RHBDL2: variants seen among roughly 807,000 people sequenced by gnomAD.
RHBDL2 encodes rhomboid-related protein 2.
Under a neutral mutation model 31.7 loss-of-function variants are expected in RHBDL2, and 26 were observed. The observed-to-expected ratio is 0.82, with a 90% CI of 0.60 to 1.14. The LOEUF (loss-of-function observed/expected upper bound fraction) is 1.14. Ranked by LOEUF, RHBDL2 falls within the 50% of genes most tolerant of loss-of-function variation. RHBDL2 has a pLI of 0.00. For missense variants in RHBDL2, 336 were observed against 364.4 expected (o/e 0.92, Z 0.63); for synonymous variants, 123 against 127.2 (o/e 0.97, Z 0.22).
intron 3 of RHBDL2, among the ~76,000 whole-genome samples, chr1:38,911,647 C>T (rs9438992): frequency 1.5e-3 from 79 of 54,166 alleles, no homozygotes; most frequent in East Asian, 5.7e-3. Context: ...TGTGTGTGTG[C>T]GCGCGCGCGC....
At chr1:38,897,225 C>T (rs1247221999) in intron 4 of RHBDL2, among the ~76,000 whole-genome samples, 5 of 151,992 alleles carry the variant, frequency 3.3e-5, no homozygotes, top group Non-Finnish European at 7.4e-5. Flanking sequence ...CTCAGCCTCC[C>T]GAGCAGCTGG....
At chr1:38,912,883 C>CATATATATATAT (rs141150431) in intron 3 of RHBDL2, among the ~76,000 whole-genome samples, 43 of 106,598 alleles carry the variant, frequency 4.0e-4, no homozygotes, top group African/African-American at 1.7e-3. Flanking sequence ...TACCATATAC[C>CATATATATATAT]ATATATATAT....
chr1:38,938,667 A>G (rs1170991622), intron 1 of RHBDL2, among the ~76,000 whole-genome samples: 2 of 152,246 alleles, frequency 1.3e-5, no homozygotes, highest in African/African-American at 4.8e-5. Flanking sequence ...AAACAAAACT[A>G]AAAGACTCTG....
chr1:38,923,892 G>A (rs1643343670), intron 1 of RHBDL2, among the ~76,000 whole-genome samples: 1 of 152,126 alleles, frequency 6.6e-6, no homozygotes, highest in African/African-American at 2.4e-5. Flanking sequence ...GGGTGGCACT[G>A]CTGCGAGAAG....
At chr1:38,903,038 G>A (rs1643015537) in intron 4 of RHBDL2, among the ~76,000 whole-genome samples, 2 of 152,126 alleles carry the variant, frequency 1.3e-5, no homozygotes, top group Non-Finnish European at 2.9e-5. Flanking sequence ...AAAGCTTCTA[G>A]AAGTAATAAG....
intron 3 of RHBDL2, among the ~76,000 whole-genome samples, chr1:38,915,102 C>A (rs1170782193): frequency 6.6e-6 from 1 of 151,426 alleles, no homozygotes; most frequent in Admixed American, 6.6e-5. Flanking sequence ...AGCTCTGCAA[C>A]TTAGCTGTGT....
chr1:38,922,185 T>C (rs1643324150), intron 1 of RHBDL2, among the ~76,000 whole-genome samples: 1 of 151,916 alleles, frequency 6.6e-6, no homozygotes. Context: ...TGCCTTGCCT[T>C]GTAAAGTAGA....
chr1:38,930,669 A>G (rs534183386), intron 1 of RHBDL2, among the ~76,000 whole-genome samples: 1 of 152,320 alleles, frequency 6.6e-6, no homozygotes, highest in South Asian at 2.1e-4. Flanking sequence ...TACATGAGTT[A>G]ACAGACCTAG....
chr1:38,910,280 T>A (rs770127129), intron 4 of RHBDL2, among the ~76,000 whole-genome samples: 116 of 152,298 alleles, frequency 7.6e-4, no homozygotes, highest in Non-Finnish European at 2.1e-4. Context: ...CCTGACTATA[T>A]CAACGTGGAT....
chr1:38,918,248 A>C (rs1643264487), intron 2 of RHBDL2, among the ~76,000 whole-genome samples: 1 of 152,236 alleles, frequency 6.6e-6, no homozygotes, highest in Admixed American at 6.5e-5. Flanking sequence ...GCATCAGTGC[A>C]TCAGTGGGAA....
chr1:38,895,434 G>A lies in RHBDL2; in HGVS notation c.609+535C>T, dbSNP rs371699970. Among the ~76,000 whole-genome samples the A allele has an allele frequency of 1.1e-4, 17 of 152,158 alleles. 1 individual carries two copies. Among genetic ancestry groups the A allele is most frequent in the African/African-American group, 3.9e-4 (16 of 41,498 alleles). On this transcript the variant is annotated intron_variant, in intron 5 of 7. Transcript: ENST00000372990. ...AACTGTTAACAGATACTATATTGAGGACCTTAACTTTCTACTTTTTTATTT... is the reference window on the plus strand; with the variant it reads ...AACTGTTAACAGATACTATATTGAGAACCTTAACTTTCTACTTTTTTATTT...
chr1:38,921,952 T>G (rs1643321968), intron 1 of RHBDL2, among the ~76,000 whole-genome samples: 1 of 152,178 alleles, frequency 6.6e-6, no homozygotes, highest in South Asian at 2.1e-4. Flanking sequence ...ACATAATCAT[T>G]TTATGAGGAA....
intron 1 of RHBDL2, among the ~76,000 whole-genome samples, chr1:38,922,223 A>G (rs1028367877): frequency 6.6e-6 from 1 of 151,228 alleles, no homozygotes. Context: ...TTCAGGCTCT[A>G]GCACCAAATG....
chr1:38,893,143 G>A, intron 6 of RHBDL2, 21 bp downstream of exon 6: 1 of 1,377,264 alleles, frequency 7.3e-7, no homozygotes, highest in Non-Finnish European at 1.0e-6. Context: ...ACAGTATGAA[G>A]TATTCACAAA....
chr1:38,937,301 G>T (rs1020066928), intron 1 of RHBDL2, among the ~76,000 whole-genome samples: 9 of 152,122 alleles, frequency 5.9e-5, no homozygotes. Flanking sequence ...TAGAGGCACA[G>T]CACCCTTTAG....
chr1:38,926,327 G>A, intron 1 of RHBDL2: 1 of 437,298 alleles, frequency 2.3e-6, no homozygotes, highest in African/African-American at 2.1e-5. Context: ...AGCAGCACTG[G>A]GCGTTCAGCA....
At chr1:38,911,653 C>T (rs549272897) in intron 3 of RHBDL2, among the ~76,000 whole-genome samples, 30 of 145,362 alleles carry the variant, frequency 2.1e-4, no homozygotes, top group African/African-American at 5.5e-4. Context: ...TGTGCGCGCG[C>T]GCGCGCGTGT....
At chr1:38,919,547 G>A (rs13376568) in intron 1 of RHBDL2, among the ~76,000 whole-genome samples, 2,716 of 147,748 alleles carry the variant, frequency 0.018, 84 homozygotes, top group African/African-American at 0.062. Flanking sequence ...CTTAAATTGT[G>A]GTGAAATACA....
Position 38,902,480 on chromosome 1 carries a change from C to T in RHBDL2, c.509-6411G>A, listed in dbSNP as rs191565574. Among the ~76,000 whole-genome samples, 68 of 149,064 alleles carry T rather than the reference C, an allele frequency of 4.6e-4. 1 individual carries two copies. In the South Asian group the frequency reaches 0.013, roughly 28 times the overall value. On this transcript the variant is annotated intron_variant, in intron 4 of 7. Transcript: ENST00000372990. ...TGTCACCCAGGCTGGAGTACAGTGG[C>T]GCAATCTCAGGTCACTGTAACCTCT...
Sources: gnomAD v4.1 joint callset for allele counts (sites outside exome capture counted in the v4.1 genomes callset) on GRCh38, gnomAD v4.1.1 for gene constraint, MANE v1.5 for transcripts, NCBI Gene and HGNC (gene_info 2026-07-23, HGNC 2026-07-21) for gene names.